The following NBR1 variants were observed in gnomAD, a reference collection of about 807,000 sequenced individuals.
The protein encoded by NBR1 is NBR1 autophagy cargo receptor, also known as next to BRCA1 gene 1 protein.
In NBR1, 59 loss-of-function variants were observed where a neutral mutation model predicts 115.5. The ratio of observed to expected loss-of-function variants is 0.51; its 90% CI spans 0.41 to 0.63. NBR1 has a LOEUF of 0.63. NBR1 is among the 30% of genes least tolerant of loss of function. The pLI is 0.00. For missense variants in NBR1, 1,043 were observed against 1,150.5 expected (o/e 0.91, Z 1.35); for synonymous variants, 373 against 414.7 (o/e 0.90, Z 1.22).
At chr17:43,171,106 C>T (rs1396694698), upstream of NBR1, 3 of 152,750 alleles carry the variant, frequency 2.0e-5, no homozygotes, top group Non-Finnish European at 2.9e-5. Context: ...GACGCAATCT[C>T]CACCAATCAA....
intron 20 of NBR1, among the ~76,000 whole-genome samples, chr17:43,208,728 G>GATTGAACCAAAATGCTGAATTGA (rs1567871166): frequency 1.3e-5 from 2 of 152,188 alleles, no homozygotes; most frequent in Admixed American, 1.3e-4. Context: ...CATTTTGGGA[G>GATTGAACCAAAATGCTGAATTGA]ACCAAAGTTC....
chr17:43,180,838 T>C, intron 5 of NBR1, 21 bp downstream of exon 5: 1 of 1,409,166 alleles, frequency 7.1e-7, no homozygotes, highest in Non-Finnish European at 9.3e-7. Flanking sequence ...TTTAATCTCA[T>C]TTTTAAATAA....
intron 1 of NBR1, among the ~76,000 whole-genome samples, chr17:43,174,989 C>T (rs1168963950): frequency 1.3e-5 from 2 of 151,504 alleles, no homozygotes; most frequent in African/African-American, 4.8e-5. Flanking sequence ...ACCCCAGCTA[C>T]TCGAGAGGCT....
intron 7 of NBR1, 44 bp downstream of exon 7, chr17:43,189,163 C>G: frequency 7.4e-7 from 1 of 1,355,756 alleles, no homozygotes; most frequent in Non-Finnish European, 1.1e-6. Flanking sequence ...GGTGTTGGCA[C>G]AGGTGGAATG....
At chr17:43,205,742 G>A (rs1201026847) in intron 20 of NBR1, among the ~76,000 whole-genome samples, 1 of 152,012 alleles carries the variant, frequency 6.6e-6, no homozygotes, top group African/African-American at 2.4e-5. Context: ...GCTGGGCATG[G>A]TGGTATACGC....
intron 14 of NBR1, 74 bp from the exon 15 acceptor site, chr17:43,196,407 C>A: frequency 1.1e-6 from 1 of 891,724 alleles, no homozygotes; most frequent in Non-Finnish European, 1.7e-6. Flanking sequence ...CTACAAACTG[C>A]TACTTCTGGA....
At chr17:43,182,055 A>C (rs1016022894) in intron 5 of NBR1, among the ~76,000 whole-genome samples, 2 of 150,530 alleles carry the variant, frequency 1.3e-5, no homozygotes, top group East Asian at 1.9e-4. Flanking sequence ...GGGTCTTGCT[A>C]TGTTACCCAG....
Position 43,202,682 on chromosome 17 carries a change from A to G in NBR1, c.2591A>G (p.Asn864Ser), listed in dbSNP as rs574967565. Reference sequence around the variant, plus strand: ...CCCAGAGGCTCATCAGGACTTGTAAACAGCAGACAGAAGAGCTATGACCAC... The same window carrying G: ...CCCAGAGGCTCATCAGGACTTGTAAGCAGCAGACAGAAGAGCTATGACCAC... ...GEPRGSSGLV[N>S]SRQKSYDHSR... is the part of the protein sequence containing the mutation. Residue 864 changes from asparagine to serine, a missense_variant, in exon 19 of 21, where the codon AAC becomes AGC. By Grantham distance (46) the Asn-to-Ser change is conservative. Coordinates refer to ENST00000590996, the MANE Select transcript of NBR1 (RefSeq NM_005899.5). The G allele has an allele frequency of 4.4e-6, 7 of 1,577,862 alleles. No individual in the cohort carries two copies. The Admixed American group carries it at 1.3e-4, about 29-fold the overall frequency.
At position 43,189,775 on chromosome 17, in the gene NBR1, G is replaced by T; in HGVS notation, c.668G>T (p.Arg223Met). The T allele has an allele frequency of 6.2e-7, 1 of 1,613,858 alleles. No homozygotes were observed. The highest frequency in any genetic ancestry group is 8.5e-7 in the Non-Finnish European group (1 of 1,179,870). Residue 223 changes from arginine (R) to methionine (M), a missense_variant, in exon 8 of 21, where the codon AGG becomes ATG. Arg to Met is a moderately conservative substitution (Grantham distance 91). Transcript: ENST00000590996. Reference protein sequence around the residue: ...WHIACNNCQRRIVGVRYQCSL... With the variant: ...WHIACNNCQRMIVGVRYQCSL... ...ATTGCTTGCAACAACTGCCAAAGAA[G>T]GATTGTTGGTGTCCGCTACCAGTGT...
intron 16 of NBR1, 109 bp from the exon 17 acceptor site, chr17:43,200,058 T>C (rs2057160051): frequency 2.2e-6 from 2 of 902,544 alleles, no homozygotes; most frequent in Non-Finnish European, 3.3e-6. Flanking sequence ...TTCCCTCTCC[T>C]CTGGCTTTCA....
rs1333544457 is a variant in NBR1, at chr17:43,210,046, A to T, written c.2873A>T (p.Asn958Ile). ...QVVTELLQLN[N>I]NDWYSQRY ...GTGACAGAACTTCTTCAGTTAAACAACAACGACTGGTACAGCCAACGCTAT... is the reference window on the plus strand; with the variant it reads ...GTGACAGAACTTCTTCAGTTAAACATCAACGACTGGTACAGCCAACGCTAT... The change falls in exon 21 of 21, where the codon AAC becomes ATC. Residue 958 changes from asparagine to isoleucine, a missense_variant. Physicochemically the swap from Asn to Ile is moderately radical, Grantham distance 149. Transcript: ENST00000590996. 6 of 1,612,594 alleles carry T rather than the reference A, an allele frequency of 3.7e-6. No homozygotes were observed. Among genetic ancestry groups the T allele is most frequent in the Non-Finnish European group, 5.1e-6 (6 of 1,179,302 alleles).
chr17:43,202,862 C>A, intron 19 of NBR1, 150 bp downstream of exon 19: 1 of 652,578 alleles, frequency 1.5e-6, no homozygotes. Context: ...CTTCTAAAGG[C>A]TTTGAGCAAC....
At position 43,200,389 on chromosome 17, in the gene NBR1, T is replaced by C; in HGVS notation, c.2249T>C (p.Met750Thr). The C allele has an allele frequency of 6.3e-7, 1 of 1,589,580 alleles. No homozygotes were observed. Among genetic ancestry groups the C allele is most frequent in the Non-Finnish European group, 8.6e-7 (1 of 1,168,242 alleles). The change falls in exon 17 of 21, where the codon ATG becomes ACG. Residue 750 changes from methionine (M) to threonine (T), a missense_variant. Physicochemically the swap from Met to Thr is moderately conservative, Grantham distance 81 (BLOSUM62 -1). Transcript: ENST00000590996. ...ACCAGCCGCCCCCTGGGGGATTCTA[T>C]GTACAGCTCTGCGCTCTCACAGCCA... is the stretch of plus-strand genomic sequence containing the variant. ...FDTSRPLGDSMYSSALSQPGL... is the reference protein window; with the variant it reads ...FDTSRPLGDSTYSSALSQPGL...
At chr17:43,199,087 A>AT (rs34915678) in intron 16 of NBR1, among the ~76,000 whole-genome samples, 248 of 146,424 alleles carry the variant, frequency 1.7e-3, no homozygotes, top group African/African-American at 3.8e-3. Context: ...TTTATGGGTA[A>AT]TTTTTTTTTT....
In NBR1 at chr17:43,175,882, G is replaced by C. The variant is rs2056503275; in HGVS notation, c.83G>C (p.Trp28Ser). The C allele has an allele frequency of 6.3e-7, 1 of 1,596,244 alleles. No individual in the cohort carries two copies. The highest frequency in any genetic ancestry group is 1.7e-5 in the Admixed American group (1 of 59,280). Residue 28 changes from tryptophan (W) to serine (S), a missense_variant, in exon 2 of 21, where the codon TGG (tryptophan) becomes TCG (serine). By Grantham distance (177) the Trp-to-Ser change is radical. Transcript: ENST00000590996. ...FLVSDPENTT[W>S]ADIEAMVKVS... ...GTTTCTGATCCAGAAAATACAACTT[G>C]GGCTGATATCGAAGCTATGGTGAGT...
intron 1 of NBR1, among the ~76,000 whole-genome samples, chr17:43,172,027 C>T (rs371467777): frequency 2.6e-5 from 4 of 151,998 alleles, no homozygotes; most frequent in African/African-American, 9.7e-5. Context: ...GTTGCCAGGT[C>T]TGTTTCATTA....
chr17:43,186,878 C>T (rs2056816138), intron 6 of NBR1, among the ~76,000 whole-genome samples: 1 of 152,186 alleles, frequency 6.6e-6, no homozygotes, highest in Non-Finnish European at 1.5e-5. Context: ...CGTATTATTC[C>T]ATGGTGTACA....
intron 20 of NBR1, chr17:43,209,437 A>G: frequency 1.3e-6 from 1 of 759,148 alleles, no homozygotes; most frequent in Non-Finnish European, 2.2e-6. Flanking sequence ...GTAATTTCCC[A>G]AGCTGTTTTT....
upstream of NBR1, chr17:43,170,998 T>C (rs535147618): frequency 6.6e-6 from 1 of 152,198 alleles, no homozygotes; most frequent in Non-Finnish European, 1.5e-5. Flanking sequence ...GAAGGGGAAA[T>C]CCGCTCTGGC....
Sources: allele counts gnomAD v4.1 joint callset (sites outside exome capture counted in the v4.1 genomes callset), GRCh38; gene constraint gnomAD v4.1.1; transcripts MANE v1.5; gene names NCBI Gene and HGNC (gene_info 2026-07-23, HGNC 2026-07-21).